SLC35F3: variants seen among roughly 807,000 people sequenced by gnomAD.
SLC35F3 encodes the protein putative thiamine transporter SLC35F3.
Under a neutral mutation model 49.9 loss-of-function variants are expected in SLC35F3, and 25 were observed. The ratio of observed to expected loss-of-function variants is 0.50; its 90% CI spans 0.37 to 0.70. The LOEUF (loss-of-function observed/expected upper bound fraction) is 0.70. Among genes scored for constraint, SLC35F3 ranks in the 30% least tolerant of loss-of-function variants. SLC35F3 has a pLI of 0.00. For synonymous variants in SLC35F3, 275 were observed against 265.4 expected (o/e 1.04, Z -0.35); for missense variants, 525 against 639.8 (o/e 0.82, Z 1.94).
At chr1:233,998,252 C>T (rs2102830920) in intron 2 of SLC35F3, among the ~76,000 whole-genome samples, 1 of 152,142 alleles carries the variant, frequency 6.6e-6, no homozygotes, top group East Asian at 1.9e-4. Context: ...AATCATTCTC[C>T]TACCTAGCTA....
At chr1:234,244,515 T>C (rs886787552) in intron 3 of SLC35F3, among the ~76,000 whole-genome samples, 1 of 152,176 alleles carries the variant, frequency 6.6e-6, no homozygotes, top group African/African-American at 2.4e-5. Flanking sequence ...TCTGTCCTTA[T>C]AAGAAGCTGT....
At chr1:233,958,069 G>A (rs1662734878) in intron 2 of SLC35F3, among the ~76,000 whole-genome samples, 1 of 152,162 alleles carries the variant, frequency 6.6e-6, no homozygotes, top group African/African-American at 2.4e-5. Flanking sequence ...TCCAAAGGAA[G>A]GACAGAGAAC....
At chr1:234,268,795 C>G (rs545374348) in intron 3 of SLC35F3, 58 of 152,248 alleles carry the variant, frequency 3.8e-4, no homozygotes, top group African/African-American at 1.3e-3. Context: ...CAGTGGACTT[C>G]GGCAGTAGAC....
At chr1:233,917,810 T>G (rs1661996251) in intron 2 of SLC35F3, among the ~76,000 whole-genome samples, 1 of 152,250 alleles carries the variant, frequency 6.6e-6, no homozygotes, top group Non-Finnish European at 1.5e-5. Context: ...TTCATATAGA[T>G]GTGAATGGAG....
At chr1:233,923,690 T>C (rs949696664) in intron 2 of SLC35F3, among the ~76,000 whole-genome samples, 2 of 152,170 alleles carry the variant, frequency 1.3e-5, no homozygotes, top group Admixed American at 1.3e-4. Flanking sequence ...CTATGTTGAA[T>C]AGGAGTGGTG....
intron 2 of SLC35F3, among the ~76,000 whole-genome samples, chr1:234,174,957 G>C (rs1448667353): frequency 1.3e-5 from 2 of 152,216 alleles, no homozygotes; most frequent in Non-Finnish European, 2.9e-5. Context: ...CAGTCCTCCT[G>C]GGGACAGGAA....
Position 234,053,425 on chromosome 1 carries a change from A to C in SLC35F3, c.283+147667A>C, listed in dbSNP as rs572388375. Among the ~76,000 whole-genome samples, 66 of 152,238 alleles carry C rather than the reference A, an allele frequency of 4.3e-4. 1 individual carries two copies. The highest frequency in any genetic ancestry group is 1.5e-3 in the African/African-American group (64 of 41,534). On this transcript the variant is annotated intron_variant, in intron 2 of 7. Coordinates refer to ENST00000366618, the MANE Select transcript of SLC35F3 (RefSeq NM_173508.4). ...TGTGTCTTTTGAGCTTTGTTGGTTT[A>C]AAGTCTGTTTTATCAGAGACTAGGA...
intron 2 of SLC35F3, among the ~76,000 whole-genome samples, chr1:233,912,198 C>T (rs936294916): frequency 5.9e-5 from 9 of 152,026 alleles, no homozygotes; most frequent in Admixed American, 1.3e-4. Flanking sequence ...CCTCTAGTTT[C>T]GCCGTGCGCG....
At chr1:233,950,668 G>T (rs1662592014) in intron 2 of SLC35F3, among the ~76,000 whole-genome samples, 1 of 151,852 alleles carries the variant, frequency 6.6e-6, no homozygotes, top group African/African-American at 2.4e-5. Flanking sequence ...AAAAATGGCA[G>T]AGAAAAACAA....
chr1:234,019,754 G>GC (rs1184179670), intron 2 of SLC35F3, among the ~76,000 whole-genome samples: 1 of 152,146 alleles, frequency 6.6e-6, no homozygotes, highest in Non-Finnish European at 1.5e-5. Flanking sequence ...ATCCAACAGG[G>GC]CCCCTCCCTA....
chr1:234,188,553 A>C (rs1226448802), intron 2 of SLC35F3, among the ~76,000 whole-genome samples: 2 of 152,060 alleles, frequency 1.3e-5, no homozygotes, highest in Non-Finnish European at 2.9e-5. Context: ...GCCCCTCCCA[A>C]GGAGAGTCTG....
chr1:234,011,308 A>AACTGCATGC (rs1331279538), intron 2 of SLC35F3, among the ~76,000 whole-genome samples: 4 of 152,258 alleles, frequency 2.6e-5, no homozygotes, highest in African/African-American at 9.6e-5. Context: ...GTTCAAAAAT[A>AACTGCATGC]ATTACAGATA....
chr1:234,231,745 G>A lies in SLC35F3; in HGVS notation c.608+4G>A, dbSNP rs1650626393. ...AGTCTGTGAAGCAGCGATACAGGTAGGCGCGTCCTGCATGAGGAGGCCTCC... is the reference window on the plus strand; with the variant it reads ...AGTCTGTGAAGCAGCGATACAGGTAAGCGCGTCCTGCATGAGGAGGCCTCC... On this transcript the variant is annotated splice_donor_region_variant and intron_variant, in intron 3 of 7. Transcript: ENST00000366618. This position sits in a 1 kb window ranked among gnomAD's most constrained non-coding sequence, Gnocchi z 5.4. 2 of 1,591,496 alleles carry A rather than the reference G, an allele frequency of 1.3e-6. No homozygotes were observed. The highest frequency in any genetic ancestry group is 2.3e-5 in the South Asian group (2 of 87,286).
rs1336474400 is a variant in SLC35F3 at position 234,046,803 on chromosome 1, T to A, written c.283+141045T>A. Reference sequence around the variant, plus strand: ...CTAATGCTAATATGAAGTACATCTCTAATTCTAGTTTTTTTCGGTATTAAG... The same window carrying A: ...CTAATGCTAATATGAAGTACATCTCAAATTCTAGTTTTTTTCGGTATTAAG... On this transcript the variant is annotated intron_variant, in intron 2 of 7. Transcript: ENST00000366618. The surrounding 1 kb of genome is among the most constrained non-coding windows in gnomAD (Gnocchi z 4.4). Among the ~76,000 whole-genome samples, 1 of 152,210 alleles carries A rather than the reference T, an allele frequency of 6.6e-6. No homozygotes were observed. The highest frequency in any genetic ancestry group is 2.4e-5 in the African/African-American group (1 of 41,458).
chr1:234,121,095 G>T (rs1232312396), intron 2 of SLC35F3, among the ~76,000 whole-genome samples: 1 of 148,186 alleles, frequency 6.7e-6, no homozygotes, highest in African/African-American at 2.5e-5. Flanking sequence ...TCTGAGTTCT[G>T]GTCATTTTAT....
At chr1:234,122,401 A>G (rs1304817275) in intron 2 of SLC35F3, among the ~76,000 whole-genome samples, 2 of 152,240 alleles carry the variant, frequency 1.3e-5, no homozygotes, top group East Asian at 1.9e-4. Flanking sequence ...AGCTATACCA[A>G]TATTTGAGTA....
At chr1:234,149,444 G>A (rs147228917) in intron 2 of SLC35F3, among the ~76,000 whole-genome samples, 70 of 152,282 alleles carry the variant, frequency 4.6e-4, no homozygotes, top group Non-Finnish European at 8.1e-4. Context: ...CCTGCTGACT[G>A]TTTGGGGATA....
At chr1:234,210,223 T>C (rs776131964) in intron 2 of SLC35F3, among the ~76,000 whole-genome samples, 4 of 152,186 alleles carry the variant, frequency 2.6e-5, no homozygotes, top group Non-Finnish European at 4.4e-5. Context: ...CCCAGCTACA[T>C]GGAAATATAA....
At chr1:234,077,211 A>G (rs1336951794) in intron 2 of SLC35F3, among the ~76,000 whole-genome samples, 3 of 150,928 alleles carry the variant, frequency 2.0e-5, no homozygotes, top group African/African-American at 7.3e-5. Flanking sequence ...TCACCTTGTT[A>G]GCCAGGATGG....
Sources: gnomAD v4.1 joint callset for allele counts (sites outside exome capture counted in the v4.1 genomes callset) on GRCh38, gnomAD v4.1.1 for gene constraint, Gnocchi (gnomAD v3.1) non-coding constraint, MANE v1.5 for transcripts, NCBI Gene and HGNC (gene_info 2026-07-23, HGNC 2026-07-21) for gene names.